The following ADD3 variants were observed in gnomAD, a reference collection of about 807,000 sequenced individuals.
The protein encoded by ADD3 is adducin 3, also known as gamma-adducin.
Under a neutral mutation model 80.2 loss-of-function variants are expected in ADD3, and 25 were observed. The ratio of observed to expected loss-of-function variants is 0.31; its 90% CI spans 0.23 to 0.44. The LOEUF (loss-of-function observed/expected upper bound fraction) is 0.44, where lower values mean the gene tolerates loss of function less well. Among genes scored for constraint, ADD3 ranks in the 20% least tolerant of loss-of-function variants. The pLI, the probability that ADD3 is intolerant of heterozygous loss-of-function variation, is 1.00. For missense variants in ADD3, 829 were observed against 847.5 expected (o/e 0.98, Z 0.27); for synonymous variants, 284 against 289.6 (o/e 0.98, Z 0.20).
intron 1 of ADD3, among the ~76,000 whole-genome samples, chr10:110,062,576 T>A (rs1589936715): frequency 6.6e-6 from 1 of 152,334 alleles, no homozygotes; most frequent in South Asian, 2.1e-4. Flanking sequence ...CAAGACCCTG[T>A]CTCAAAAATT....
chr10:110,042,674 TTTGTC>T (rs1264429424), intron 1 of ADD3, among the ~76,000 whole-genome samples: 1 of 144,352 alleles, frequency 6.9e-6, no homozygotes, highest in African/African-American at 2.5e-5. Context: ...ATAACTGAGT[TTTGTC>T]TGGTGCTGTT....
Position 110,117,397 on chromosome 10 carries a change from T to C in ADD3, c.542T>C (p.Phe181Ser). The change falls in exon 5 of 15, where the codon TTT becomes TCT. Residue 181 changes from phenylalanine (F) to serine (S), a missense_variant. Coordinates refer to ENST00000356080, the MANE Select transcript of ADD3 (RefSeq NM_016824.5). The part of the protein sequence containing the change: ...HIIIIPRGLS[F>S]SEATASNLVK... ...ATAATAATTCCCAGAGGCCTATCTT[T>C]TTCTGAAGCTACAGCCTCCAATTTG... 6.2e-7 allele frequency: 1 copy of C among 1,605,806 alleles called. No homozygotes were observed. Among genetic ancestry groups the C allele is most frequent in the Non-Finnish European group, 8.5e-7 (1 of 1,172,614 alleles).
At chr10:110,026,374 C>G (rs954577932) in intron 1 of ADD3, among the ~76,000 whole-genome samples, 1 of 151,328 alleles carries the variant, frequency 6.6e-6, no homozygotes, top group African/African-American at 2.4e-5. Flanking sequence ...CTCAGCCTCC[C>G]GGTTCAAGCA....
upstream of ADD3, among the ~76,000 whole-genome samples, chr10:110,007,682 C>T (rs958127858): frequency 1.3e-5 from 2 of 152,146 alleles, no homozygotes; most frequent in African/African-American, 2.4e-5. Flanking sequence ...GGCCTGCAGG[C>T]CCCCACCGCT....
intron 9 of ADD3, 63 bp downstream of exon 9, chr10:110,122,355 C>G (rs748407441): frequency 1.7e-5 from 25 of 1,467,042 alleles, no homozygotes; most frequent in Non-Finnish European, 2.3e-5. Flanking sequence ...GCAGATGCTT[C>G]CATTTTTGTA....
At chr10:110,025,231 G>A (rs926585377) in intron 1 of ADD3, among the ~76,000 whole-genome samples, 1 of 151,804 alleles carries the variant, frequency 6.6e-6, no homozygotes, top group African/African-American at 2.4e-5. Flanking sequence ...CCTAGCGTCC[G>A]TTCCACTAAG....
In ADD3 at chr10:110,117,343, T is replaced by G. The variant is rs761500804; in HGVS notation, c.488T>G (p.Val163Gly). 23 of 1,568,734 alleles carry G rather than the reference T, an allele frequency of 1.5e-5. No individual in the cohort carries two copies. The highest frequency in any genetic ancestry group is 3.4e-4 in the Middle Eastern group (2 of 5,904). Reference protein sequence around the residue: ...WAHLANTYISVRISKEQDHII... With the variant: ...WAHLANTYISGRISKEQDHII... ...ATTCCCTGTTGTTTTTTTTTCCAGGTAAGAATAAGTAAGGAGCAAGACCAC... is the reference window on the plus strand; with the variant it reads ...ATTCCCTGTTGTTTTTTTTTCCAGGGAAGAATAAGTAAGGAGCAAGACCAC... The change falls in exon 5 of 15, where the codon GTA becomes GGA. Residue 163 changes from valine to glycine, a missense_variant and splice_region_variant. Transcript: ENST00000356080.
At chr10:110,008,717 C>T (rs1464061910) in intron 1 of ADD3, among the ~76,000 whole-genome samples, 1 of 152,126 alleles carries the variant, frequency 6.6e-6, no homozygotes, top group Non-Finnish European at 1.5e-5. Context: ...GGTTCCTGCG[C>T]TTAGAAAAGG....
chr10:110,082,801 T>C lies in ADD3; in HGVS notation c.-29-17824T>C, dbSNP rs573086452. Among the ~76,000 whole-genome samples the C allele has an allele frequency of 3.9e-5, 6 of 152,380 alleles. No homozygotes were observed. The South Asian group carries it at 1.2e-3, about 32-fold the overall frequency. On this transcript the variant is annotated intron_variant, in intron 1 of 14. Transcript: ENST00000356080. ...GTATTTCCAGATACCGATAATGCTCTTCTCATATCTTCACACTTTTTTTGT... is the reference window on the plus strand; with the variant it reads ...GTATTTCCAGATACCGATAATGCTCCTCTCATATCTTCACACTTTTTTTGT...
chr10:110,064,621 A>G (rs975322570), intron 1 of ADD3, among the ~76,000 whole-genome samples: 1 of 152,204 alleles, frequency 6.6e-6, no homozygotes, highest in Non-Finnish European at 1.5e-5. Flanking sequence ...GTCTAAAAAG[A>G]TATATTCTGG....
chr10:110,001,633 T>C (rs1342581077), upstream of ADD3, among the ~76,000 whole-genome samples: 1 of 152,156 alleles, frequency 6.6e-6, no homozygotes. Flanking sequence ...TGAGAATCAC[T>C]TGGGGTGCTT....
At chr10:110,063,264 T>C (rs1227880965) in intron 1 of ADD3, among the ~76,000 whole-genome samples, 1 of 152,182 alleles carries the variant, frequency 6.6e-6, no homozygotes, top group Admixed American at 6.5e-5. Flanking sequence ...GCCACAGTGA[T>C]TGAACATTGT....
intron 8 of ADD3, 106 bp from the exon 9 acceptor site, chr10:110,122,004 A>C (rs1429083898): frequency 1.1e-6 from 1 of 912,136 alleles, no homozygotes. Flanking sequence ...AGCCTGAGCA[A>C]GTATTATAGA....
intron 1 of ADD3, among the ~76,000 whole-genome samples, chr10:110,083,333 G>A (rs1166153585): frequency 2.0e-5 from 3 of 152,036 alleles, no homozygotes; most frequent in Non-Finnish European, 2.9e-5. Flanking sequence ...TGGCTAACAC[G>A]GTGAAACCCC....
At chr10:110,073,016 T>G (rs1844927676) in intron 1 of ADD3, among the ~76,000 whole-genome samples, 1 of 152,094 alleles carries the variant, frequency 6.6e-6, no homozygotes, top group Non-Finnish European at 1.5e-5. Context: ...AGAACCTCCA[T>G]AGTGTGTGTA....
At chr10:110,004,269 T>C, upstream of ADD3, among the ~76,000 whole-genome samples, 1 of 148,206 alleles carries the variant, frequency 6.7e-6, no homozygotes, top group Admixed American at 6.8e-5. Flanking sequence ...GTGCGGTGGC[T>C]CACGCCTGTA....
At chr10:110,021,728 C>G (rs755387510) in intron 1 of ADD3, among the ~76,000 whole-genome samples, 5 of 151,962 alleles carry the variant, frequency 3.3e-5, no homozygotes, top group Admixed American at 2.0e-4. Context: ...GGAGTGGCAG[C>G]TTAATGGGTA....
chr10:110,014,604 G>A (rs934243335), intron 1 of ADD3, among the ~76,000 whole-genome samples: 2 of 151,150 alleles, frequency 1.3e-5, no homozygotes, highest in Admixed American at 6.6e-5. Context: ...TCAGCTCACC[G>A]CAACATCTAC....
At chr10:110,064,516 T>C (rs1843666668) in intron 1 of ADD3, among the ~76,000 whole-genome samples, 1 of 152,222 alleles carries the variant, frequency 6.6e-6, no homozygotes, top group African/African-American at 2.4e-5. Context: ...TTAATGTACA[T>C]ACTGGGTTTT....
Sources: gnomAD v4.1 joint callset for allele counts (sites outside exome capture counted in the v4.1 genomes callset) on GRCh38, gnomAD v4.1.1 for gene constraint, MANE v1.5 for transcripts, NCBI Gene and HGNC (gene_info 2026-07-23, HGNC 2026-07-21) for gene names.